SYN3: variants seen among roughly 807,000 people sequenced by gnomAD.
SYN3 encodes synapsin III.
SYN3 carries 35 observed loss-of-function variants against 65.8 expected under a neutral mutation model. That is an observed-to-expected ratio of 0.53 (90% CI 0.41 to 0.70). The LOEUF (loss-of-function observed/expected upper bound fraction) is 0.70. SYN3 is among the 30% of genes least tolerant of loss of function. The pLI is 0.00. For synonymous variants in SYN3, 270 were observed against 292.9 expected, an observed-to-expected ratio of 0.92 and a Z score of 0.80; for missense variants, 680 against 749.0, an observed-to-expected ratio of 0.91 and a Z score of 1.08.
At chr22:32,531,960 G>GC (rs1388008638) in intron 10 of SYN3, among the ~76,000 whole-genome samples, 1 of 150,564 alleles carries the variant, frequency 6.6e-6, no homozygotes, top group Non-Finnish European at 1.5e-5. Flanking sequence ...CCTCTGAATG[G>GC]CTAAAGGCAG....
Position 33,006,368 on chromosome 22 carries a change from C to T in SYN3, c.295G>A (p.Asp99Asn). Residue 99 changes from aspartate to asparagine, a missense_variant, in exon 2 of 14, where the codon GAT becomes AAT. Physicochemically the swap from Asp to Asn is conservative, Grantham distance 23. Coordinates refer to ENST00000358763, the MANE Select transcript of SYN3 (RefSeq NM_003490.4). Reference protein sequence around the residue: ...QRPRILLVIDDAHTDWSKYFH... With the variant: ...QRPRILLVIDNAHTDWSKYFH... ...CCTACTTACCAGTCTGTATGGGCAT[C>T]ATCGATCACCAACAGGATCCTGGGT... is the stretch of plus-strand genomic sequence containing the variant. 2 of 1,612,594 alleles carry T rather than the reference C, an allele frequency of 1.2e-6. No homozygotes were observed. Among genetic ancestry groups the T allele is most frequent in the Non-Finnish European group, 1.7e-6 (2 of 1,179,092 alleles).
intron 6 of SYN3, chr22:32,859,390 GC>G: frequency 1.2e-6 from 2 of 1,604,642 alleles, no homozygotes; most frequent in Admixed American, 3.3e-5. Context: ...GCCAGACCCT[GC>G]CCCACCTCAC....
At chr22:32,721,522 C>T (rs1207258181) in intron 6 of SYN3, among the ~76,000 whole-genome samples, 1 of 152,140 alleles carries the variant, frequency 6.6e-6, no homozygotes, top group Admixed American at 6.5e-5. Flanking sequence ...TGATACAACC[C>T]ATTTCATTCT....
chr22:32,527,825 C>G (rs979587862), intron 12 of SYN3, 93 bp downstream of exon 12: 1 of 1,113,544 alleles, frequency 9.0e-7, no homozygotes, highest in Non-Finnish European at 1.3e-6. Context: ...TGCATTTTCC[C>G]AGAGCCCCTT....
intron 6 of SYN3, among the ~76,000 whole-genome samples, chr22:32,721,639 T>A (rs2061119842): frequency 6.6e-6 from 1 of 152,248 alleles, no homozygotes; most frequent in South Asian, 2.1e-4. Context: ...GCTTTTTATG[T>A]GCCAGATTCC....
chr22:32,768,346 C>G (rs1158324363), intron 6 of SYN3, among the ~76,000 whole-genome samples: 1 of 152,168 alleles, frequency 6.6e-6, no homozygotes, highest in East Asian at 1.9e-4. Context: ...CTTTCTCTGC[C>G]TTCTTTGATG....
intron 6 of SYN3, among the ~76,000 whole-genome samples, chr22:32,679,732 G>C (rs1403672611): frequency 6.7e-6 from 1 of 150,066 alleles, no homozygotes; most frequent in Non-Finnish European, 1.5e-5. Context: ...GATTAGCCAT[G>C]TTCAGCATCT....
intron 3 of SYN3, among the ~76,000 whole-genome samples, chr22:32,980,033 C>T (rs1384966043): frequency 1.3e-5 from 2 of 152,178 alleles, no homozygotes; most frequent in Admixed American, 6.5e-5. Flanking sequence ...GATTCTGCCA[C>T]TGCCTCCCTA....
At chr22:32,925,952 A>G (rs1052607463) in intron 4 of SYN3, among the ~76,000 whole-genome samples, 3 of 146,888 alleles carry the variant, frequency 2.0e-5, no homozygotes, top group African/African-American at 7.5e-5. Flanking sequence ...CCCAGGTTCA[A>G]GTGATTCTCA....
chr22:32,775,267 C>A (rs1417229835), intron 6 of SYN3, among the ~76,000 whole-genome samples: 2 of 152,102 alleles, frequency 1.3e-5, no homozygotes, highest in Non-Finnish European at 2.9e-5. Context: ...AGATCAGGGT[C>A]CCACCCTTCT....
At chr22:32,568,178 C>A (rs1320534423) in intron 7 of SYN3, among the ~76,000 whole-genome samples, 1 of 152,168 alleles carries the variant, frequency 6.6e-6, no homozygotes, top group Non-Finnish European at 1.5e-5. Context: ...CCAGCCTGGG[C>A]TCCCTGTACC....
At chr22:32,628,783 C>T (rs1249959823) in intron 6 of SYN3, among the ~76,000 whole-genome samples, 1 of 151,886 alleles carries the variant, frequency 6.6e-6, no homozygotes, top group African/African-American at 2.4e-5. Context: ...TCTTTAGTTA[C>T]AAGCTGGAAG....
intron 1 of SYN3, among the ~76,000 whole-genome samples, chr22:33,045,069 C>T (rs1789583956): frequency 6.6e-6 from 1 of 152,154 alleles, no homozygotes; most frequent in Non-Finnish European, 1.5e-5. Context: ...TCTCGAACTC[C>T]CAACCTCAGG....
chr22:32,986,222 A>T (rs945873091), intron 2 of SYN3, among the ~76,000 whole-genome samples: 1 of 152,090 alleles, frequency 6.6e-6, no homozygotes, highest in Non-Finnish European at 1.5e-5. Context: ...CTACTGGCAC[A>T]CCATTGTAAT....
rs139488396 is a variant in SYN3 at position 32,604,733 on chromosome 22, C to T, written c.712-7997G>A. ...AGAATTATACATTCATGACTGGGCG[C>T]GGTGGCTCACGCCTGTAATCCCAGC... On this transcript the variant is annotated intron_variant, in intron 6 of 13. Coordinates refer to ENST00000358763, the MANE Select transcript of SYN3 (RefSeq NM_003490.4). 5.8e-3 allele frequency among the ~76,000 whole-genome samples: 883 copies of T among 152,256 alleles called. 4 individuals carry two copies. The highest frequency in any genetic ancestry group is 0.029 in the East Asian group (149 of 5,156).
chr22:32,985,017 TA>T (rs2052481835), intron 2 of SYN3, among the ~76,000 whole-genome samples: 1 of 152,074 alleles, frequency 6.6e-6, no homozygotes, highest in Non-Finnish European at 1.5e-5. Flanking sequence ...AACAAGGCAG[TA>T]AAGTGCAATG....
At chr22:33,008,271 G>A (rs1228308005) in intron 1 of SYN3, among the ~76,000 whole-genome samples, 1 of 152,124 alleles carries the variant, frequency 6.6e-6, no homozygotes, top group Non-Finnish European at 1.5e-5. Flanking sequence ...ACTTAAGATT[G>A]AAATGCACAG....
At chr22:32,708,839 C>T (rs1008562195) in intron 6 of SYN3, among the ~76,000 whole-genome samples, 7 of 152,224 alleles carry the variant, frequency 4.6e-5, no homozygotes, top group Admixed American at 6.5e-5. Flanking sequence ...TTACCCCTCA[C>T]GGGGCCCTTG....
intron 4 of SYN3, among the ~76,000 whole-genome samples, chr22:32,913,367 C>A (rs1004853498): frequency 6.6e-6 from 1 of 151,954 alleles, no homozygotes; most frequent in Non-Finnish European, 1.5e-5. Flanking sequence ...ACCATGTTAG[C>A]TAGGATGGTC....
Sources: gnomAD v4.1 joint callset for allele counts (sites outside exome capture counted in the v4.1 genomes callset) on GRCh38, gnomAD v4.1.1 for gene constraint, MANE v1.5 for transcripts, NCBI Gene and HGNC (gene_info 2026-07-23, HGNC 2026-07-21) for gene names.